DDAH1: variants seen among roughly 807,000 people sequenced by gnomAD.
DDAH1 encodes dimethylarginine dimethylaminohydrolase 1, also known as N(G),N(G)-dimethylarginine dimethylaminohydrolase 1.
In DDAH1, 19 loss-of-function variants were observed where a neutral mutation model predicts 28.8. That is an observed-to-expected ratio of 0.66 (90% CI 0.46 to 0.97). The LOEUF is 0.97. Among genes scored for constraint, DDAH1 ranks in the 50% least tolerant of loss-of-function variants. DDAH1 has a pLI of 0.00. For synonymous variants in DDAH1, 153 were observed against 154.4 expected (o/e 0.99, Z 0.07); for missense variants, 326 against 375.9 (o/e 0.87, Z 1.10).
At chr1:85,429,122 C>T (rs922317291) in intron 1 of DDAH1, among the ~76,000 whole-genome samples, 12 of 152,074 alleles carry the variant, frequency 7.9e-5, no homozygotes, top group Admixed American at 3.3e-4. Context: ...CCCAACAACC[C>T]GTCATCTACA....
At chr1:85,532,337 A>C (rs1288380356) in intron 1 of DDAH1, among the ~76,000 whole-genome samples, 1 of 150,980 alleles carries the variant, frequency 6.6e-6, no homozygotes, top group Non-Finnish European at 1.5e-5. Flanking sequence ...CCTATAAAGA[A>C]AAACAATCTT....
Position 85,464,679 on chromosome 1 carries a change from G to A in DDAH1, c.303+64C>T, listed in dbSNP as rs912751071. On this transcript the variant is annotated intron_variant, in intron 1 of 5. Transcript: ENST00000284031. This position sits in a 1 kb window ranked among gnomAD's most constrained non-coding sequence, Gnocchi z 4.4. ...AATGGCGCGACTCCCCAGGCAACAC[G>A]GCGGCCGGCGGCGGGGGAGGGCCTG... The A allele has an allele frequency of 3.5e-6, 5 of 1,427,116 alleles. No individual in the cohort carries two copies. Among genetic ancestry groups the A allele is most frequent in the African/African-American group, 1.5e-5 (1 of 67,458 alleles). The allele number at this position is 1,427,116 out of a possible 1,614,324, so 88.4% of individuals were successfully genotyped here. A position where few individuals can be genotyped will look rare whatever the true frequency, so the allele number is the denominator to read the frequency against.
intron 1 of DDAH1, among the ~76,000 whole-genome samples, chr1:85,408,336 A>G (rs980922455): frequency 1.1e-4 from 17 of 151,230 alleles, no homozygotes; most frequent in African/African-American, 4.1e-4. Context: ...TTCAGGATTA[A>G]CTGAACAATT....
At chr1:85,513,389 A>G (rs1307140226) in intron 1 of DDAH1, among the ~76,000 whole-genome samples, 2 of 152,238 alleles carry the variant, frequency 1.3e-5, no homozygotes, top group Non-Finnish European at 2.9e-5. Context: ...ACCTAAAACC[A>G]TAAAAACCCT....
intron 1 of DDAH1, among the ~76,000 whole-genome samples, chr1:85,407,869 A>G (rs1652480083): frequency 6.6e-6 from 1 of 152,202 alleles, no homozygotes; most frequent in African/African-American, 2.4e-5. Flanking sequence ...ATAAAATTCA[A>G]AAAGCTCGGC....
intron 1 of DDAH1, among the ~76,000 whole-genome samples, chr1:85,570,599 A>G (rs1452483138): frequency 6.6e-6 from 1 of 152,198 alleles, no homozygotes; most frequent in Non-Finnish European, 1.5e-5. Context: ...GGAATCTGTC[A>G]TCTGTCCCTG....
chr1:85,418,349 A>G (rs1652978079), intron 1 of DDAH1, among the ~76,000 whole-genome samples: 1 of 152,260 alleles, frequency 6.6e-6, no homozygotes, highest in South Asian at 2.1e-4. Context: ...AATGAGACCA[A>G]TAAAACTCGG....
intron 4 of DDAH1, among the ~76,000 whole-genome samples, chr1:85,340,661 T>C (rs1648418527): frequency 1.3e-5 from 2 of 152,156 alleles, no homozygotes; most frequent in South Asian, 4.2e-4. Context: ...TGGCATCAGC[T>C]AGTTTTATTA....
chr1:85,464,913 G>T lies in DDAH1; in HGVS notation c.133C>A (p.Arg45=). The T allele has an allele frequency of 6.4e-7, 1 of 1,559,138 alleles. No individual in the cohort carries two copies. Among genetic ancestry groups the T allele is most frequent in the Non-Finnish European group, 8.6e-7 (1 of 1,163,616 alleles). Residue 45 remains arginine (R), a synonymous_variant, in exon 1 of 6, where the codon CGG becomes AGG. Coordinates refer to ENST00000284031, the MANE Select transcript of DDAH1 (RefSeq NM_012137.4). The surrounding 1 kb of genome is among the most constrained non-coding windows in gnomAD (Gnocchi z 4.4). ...GEEVDVARAE[R]QHQLYVGVLG... is the part of the protein sequence containing the mutation. The stretch of plus-strand genomic sequence containing the variant: ...ACGCCCACGTAGAGCTGGTGCTGCC[G>T]TTCCGCGCGGGCGACGTCCACCTCC...
intron 1 of DDAH1, among the ~76,000 whole-genome samples, chr1:85,503,518 CATCT>C (rs61426289): frequency 0.1 from 14,424 of 144,008 alleles, 709 homozygotes; most frequent in South Asian, 0.12. Flanking sequence ...CTTTAAAGTT[CATCT>C]ATCTATCTAT....
At chr1:85,511,123 G>A (rs959672714) in intron 1 of DDAH1, among the ~76,000 whole-genome samples, 2 of 152,014 alleles carry the variant, frequency 1.3e-5, no homozygotes, top group African/African-American at 4.8e-5. Context: ...CAGCAAATAT[G>A]AAAGACCAGA....
At chr1:85,578,057 G>A (rs1659661793) in exon 1 of DDAH1, 19 of 979,538 alleles carry the variant, frequency 1.9e-5, no homozygotes, top group Non-Finnish European at 2.2e-5. Context: ...GAGGCGGCGA[G>A]AAGGCGACGG....
chr1:85,480,382 G>C (rs1314562478), intron 2 of DDAH1, among the ~76,000 whole-genome samples: 1 of 152,148 alleles, frequency 6.6e-6, no homozygotes, highest in Non-Finnish European at 1.5e-5. Context: ...TTTATATTAA[G>C]TGACTAAGTG....
chr1:85,377,900 T>A (rs145490251), intron 1 of DDAH1, among the ~76,000 whole-genome samples: 5 of 152,332 alleles, frequency 3.3e-5, no homozygotes, highest in African/African-American at 1.2e-4. Flanking sequence ...TTTTTGTATT[T>A]GATCTCTAAT....
At chr1:85,559,430 C>T (rs1659077439) in intron 1 of DDAH1, among the ~76,000 whole-genome samples, 1 of 151,934 alleles carries the variant, frequency 6.6e-6, no homozygotes, top group Non-Finnish European at 1.5e-5. Context: ...AACATAATAG[C>T]CATAATACTC....
chr1:85,521,236 T>G (rs1440893039), intron 1 of DDAH1, among the ~76,000 whole-genome samples: 5 of 151,782 alleles, frequency 3.3e-5, no homozygotes, highest in African/African-American at 4.8e-5. Flanking sequence ...CCACAACCAC[T>G]GATTGGAAAC....
At chr1:85,335,471 C>A (rs902124944) in intron 4 of DDAH1, among the ~76,000 whole-genome samples, 1 of 151,758 alleles carries the variant, frequency 6.6e-6, no homozygotes, top group Admixed American at 6.6e-5. Flanking sequence ...AGTAAAGGGA[C>A]AGAAAAAATA....
intron 1 of DDAH1, among the ~76,000 whole-genome samples, chr1:85,512,302 C>T (rs979513237): frequency 5.3e-5 from 8 of 152,270 alleles, no homozygotes; most frequent in Non-Finnish European, 7.4e-5. Context: ...TTCAACAGCC[C>T]TTCATGCTAA....
At chr1:85,433,460 C>T (rs764293366) in intron 1 of DDAH1, among the ~76,000 whole-genome samples, 2 of 152,128 alleles carry the variant, frequency 1.3e-5, no homozygotes, top group Non-Finnish European at 2.9e-5. Flanking sequence ...ACTGCAATAA[C>T]GTACAAGCGG....
Sources: gnomAD v4.1 joint callset for allele counts (sites outside exome capture counted in the v4.1 genomes callset) on GRCh38, gnomAD v4.1.1 for gene constraint, Gnocchi (gnomAD v3.1) non-coding constraint, MANE v1.5 for transcripts, NCBI Gene and HGNC (gene_info 2026-07-23, HGNC 2026-07-21) for gene names.